L3MBTL3: variants seen among roughly 807,000 people sequenced by gnomAD.
L3MBTL3 encodes the protein lethal(3)malignant brain tumor-like protein 3.
Under a neutral mutation model 102.3 loss-of-function variants are expected in L3MBTL3, and 27 were observed. That is an observed-to-expected ratio of 0.26 (90% CI 0.19 to 0.36). The LOEUF (loss-of-function observed/expected upper bound fraction) is 0.36. L3MBTL3 is among the 10% of genes least tolerant of loss of function. The pLI is 1.00. For synonymous variants in L3MBTL3, 340 were observed against 320.9 expected (o/e 1.06, Z -0.64); for missense variants, 798 against 955.3 (o/e 0.84, Z 2.17).
chr6:130,136,455 T>C (rs2114467821), intron 22 of L3MBTL3, among the ~76,000 whole-genome samples: 1 of 152,242 alleles, frequency 6.6e-6, no homozygotes, highest in Non-Finnish European at 1.5e-5. Context: ...CAGAACACTC[T>C]TCCTCCAGAT....
At chr6:130,124,053 G>A (rs773848493) in intron 20 of L3MBTL3, among the ~76,000 whole-genome samples, 16 of 152,208 alleles carry the variant, frequency 1.1e-4, no homozygotes, top group Non-Finnish European at 1.8e-4. Context: ...AGACGGAGAA[G>A]CTGAGCTGTG....
intron 20 of L3MBTL3, among the ~76,000 whole-genome samples, chr6:130,126,564 T>C (rs965754895): frequency 5.3e-5 from 8 of 152,222 alleles, no homozygotes; most frequent in Admixed American, 2.0e-4. Flanking sequence ...GGATCATCTT[T>C]ATTTGAAAAG....
intron 2 of L3MBTL3, among the ~76,000 whole-genome samples, chr6:130,037,425 C>CA (rs1217983169): frequency 3.1e-4 from 45 of 144,676 alleles, no homozygotes; most frequent in South Asian, 6.6e-4. Flanking sequence ...TACTGTCTAT[C>CA]AAAAAAAAAA....
chr6:130,029,248 C>T (rs1779551139), intron 2 of L3MBTL3, among the ~76,000 whole-genome samples: 1 of 152,206 alleles, frequency 6.6e-6, no homozygotes, highest in Non-Finnish European at 1.5e-5. Context: ...TCCAGTGCTC[C>T]TATAGAGAAA....
intron 18 of L3MBTL3, among the ~76,000 whole-genome samples, chr6:130,103,643 G>A (rs1235470496): frequency 6.6e-6 from 1 of 152,180 alleles, no homozygotes; most frequent in East Asian, 1.9e-4. Flanking sequence ...TGTATATTGG[G>A]GTCTGAGATA....
At chr6:130,103,778 A>G (rs1202299349) in intron 18 of L3MBTL3, among the ~76,000 whole-genome samples, 1 of 152,218 alleles carries the variant, frequency 6.6e-6, no homozygotes, top group Admixed American at 6.5e-5. Flanking sequence ...ATGAGACCTG[A>G]GAGACCAACT....
chr6:130,112,146 C>T (rs1293024678), intron 19 of L3MBTL3, among the ~76,000 whole-genome samples: 1 of 152,194 alleles, frequency 6.6e-6, no homozygotes, highest in African/African-American at 2.4e-5. Flanking sequence ...TCATTACATG[C>T]TTTCTCATCT....
chr6:130,096,474 G>A (rs1465328133), intron 18 of L3MBTL3, among the ~76,000 whole-genome samples: 1 of 152,212 alleles, frequency 6.6e-6, no homozygotes, highest in African/African-American at 2.4e-5. Context: ...TGTTGTTGAG[G>A]TGCAATTGGA....
At chr6:130,032,221 A>G (rs752467907) in intron 2 of L3MBTL3, among the ~76,000 whole-genome samples, 6 of 152,184 alleles carry the variant, frequency 3.9e-5, no homozygotes, top group Non-Finnish European at 7.3e-5. Flanking sequence ...TGATCTTCAC[A>G]CCTTGTGACA....
chr6:130,066,219 C>A, intron 10 of L3MBTL3, 134 bp from the exon 11 acceptor site: 1 of 283,418 alleles, frequency 3.5e-6, no homozygotes, highest in Non-Finnish European at 6.4e-6. Flanking sequence ...TGTTTTATTA[C>A]TGTTAATGTG....
At chr6:130,105,771 A>G (rs1374701832) in intron 19 of L3MBTL3, among the ~76,000 whole-genome samples, 5 of 152,198 alleles carry the variant, frequency 3.3e-5, no homozygotes, top group Non-Finnish European at 5.9e-5. Context: ...AAAATTGTTT[A>G]TTGTTTAAAA....
chr6:130,118,912 T>A (rs567644640), intron 19 of L3MBTL3, among the ~76,000 whole-genome samples: 1 of 152,346 alleles, frequency 6.6e-6, no homozygotes, highest in South Asian at 2.1e-4. Flanking sequence ...TGGAAAGTGA[T>A]CTTTTTCTTG....
chr6:130,089,853 T>C lies in L3MBTL3; in HGVS notation c.1519-2892T>C, dbSNP rs539057939. 1.0e-4 allele frequency among the ~76,000 whole-genome samples: 15 copies of C among 146,792 alleles called. No individual in the cohort carries two copies. The South Asian group carries it at 3.3e-3, about 32-fold the overall frequency. On this transcript the variant is annotated intron_variant, in intron 16 of 22. Coordinates refer to ENST00000361794, the MANE Select transcript of L3MBTL3 (RefSeq NM_032438.4). ...ATTTTTCACAGCAAAAAAAAAAAACTACCATCAGAGTGAATAGGCAACCTA... is the reference window on the plus strand; with the variant it reads ...ATTTTTCACAGCAAAAAAAAAAAACCACCATCAGAGTGAATAGGCAACCTA...
intron 13 of L3MBTL3, among the ~76,000 whole-genome samples, chr6:130,077,608 G>A (rs1484786606): frequency 6.6e-6 from 1 of 152,180 alleles, no homozygotes; most frequent in East Asian, 1.9e-4. Context: ...GTTTGGCTTC[G>A]TTGACTGTGT....
intron 13 of L3MBTL3, among the ~76,000 whole-genome samples, chr6:130,073,134 A>G (rs1006631918): frequency 6.6e-6 from 1 of 152,098 alleles, no homozygotes; most frequent in South Asian, 2.1e-4. Flanking sequence ...TTGGGCCTGC[A>G]TGGTGGCTTA....
intron 18 of L3MBTL3, among the ~76,000 whole-genome samples, chr6:130,099,010 C>T (rs893245102): frequency 7.3e-5 from 11 of 150,404 alleles, no homozygotes; most frequent in Non-Finnish European, 1.6e-4. Flanking sequence ...TAAAAATATA[C>T]AATAAAAATT....
At chr6:130,030,448 G>C (rs1351650163) in intron 2 of L3MBTL3, among the ~76,000 whole-genome samples, 1 of 151,792 alleles carries the variant, frequency 6.6e-6, no homozygotes, top group Non-Finnish European at 1.5e-5. Flanking sequence ...AGATCATGAG[G>C]TCAGGAGATC....
chr6:130,053,658 ATCTG>A (rs1180152782), intron 7 of L3MBTL3, among the ~76,000 whole-genome samples: 5 of 151,322 alleles, frequency 3.3e-5, no homozygotes, highest in Non-Finnish European at 5.9e-5. Context: ...AAAAAAAACT[ATCTG>A]AGTGGTTAAA....
intron 20 of L3MBTL3, among the ~76,000 whole-genome samples, chr6:130,127,559 A>G (rs967073590): frequency 2.0e-5 from 3 of 152,204 alleles, no homozygotes; most frequent in African/African-American, 7.2e-5. Flanking sequence ...TATGGTAAAC[A>G]ATAGAGGCAG....
Sources: allele counts gnomAD v4.1 joint callset (sites outside exome capture counted in the v4.1 genomes callset), GRCh38; gene constraint gnomAD v4.1.1; transcripts MANE v1.5; gene names NCBI Gene and HGNC (gene_info 2026-07-23, HGNC 2026-07-21).